Variants in RIMS1 observed in about 807,000 individuals in gnomAD.
The protein encoded by RIMS1 is regulating synaptic membrane exocytosis protein 1.
RIMS1 carries 83 observed loss-of-function variants against 214.1 expected under a neutral mutation model. That is an observed-to-expected ratio of 0.39 (90% CI 0.32 to 0.47). The LOEUF is 0.47. Among genes scored for constraint, RIMS1 ranks in the 20% least tolerant of loss-of-function variants. RIMS1 has a pLI of 0.99. For synonymous variants in RIMS1, 793 were observed against 786.8 expected, an observed-to-expected ratio of 1.01 and a Z score of -0.13; for missense variants, 2,050 against 2,161.8, an observed-to-expected ratio of 0.95 and a Z score of 1.03.
At position 72,183,163 on chromosome 6, in the gene RIMS1, G is replaced by A. The variant is rs1309496623; in HGVS notation, c.1678+14G>A. ...TCAGCGAGAAAGGTAAGGGGGCGGC[G>A]CCGGCCGTGCGGGGACTTCAGCCAA... On this transcript the variant is annotated intron_variant, in intron 6 of 33. Transcript: ENST00000521978. 6.3e-7 allele frequency: 1 copy of A among 1,584,630 alleles called. No homozygotes were observed. Among genetic ancestry groups the A allele is most frequent in the Non-Finnish European group, 8.6e-7 (1 of 1,167,546 alleles).
At chr6:72,342,212 C>A (rs149649510) in intron 29 of RIMS1, among the ~76,000 whole-genome samples, 145 of 151,918 alleles carry the variant, frequency 9.5e-4, no homozygotes, top group African/African-American at 3.3e-3. Context: ...AACTTGCTGC[C>A]CACTCCACTC....
intron 4 of RIMS1, among the ~76,000 whole-genome samples, chr6:72,164,920 A>G (rs1348010156): frequency 2.0e-5 from 3 of 152,070 alleles, no homozygotes; most frequent in African/African-American, 7.2e-5. Context: ...AAACCTAATT[A>G]CCCTCCAAAG....
chr6:72,270,771 G>A (rs1377518221), intron 22 of RIMS1, among the ~76,000 whole-genome samples: 1 of 152,096 alleles, frequency 6.6e-6, no homozygotes, highest in Admixed American at 6.6e-5. Flanking sequence ...AAGGAATCCA[G>A]AAAGGGCTAA....
At chr6:72,109,271 G>A (rs986859902) in intron 4 of RIMS1, among the ~76,000 whole-genome samples, 4 of 152,132 alleles carry the variant, frequency 2.6e-5, no homozygotes, top group South Asian at 4.2e-4. Context: ...CTGAGGAATT[G>A]CCACACTGAC....
chr6:72,275,078 A>C (rs2085477494), intron 23 of RIMS1, among the ~76,000 whole-genome samples: 1 of 140,534 alleles, frequency 7.1e-6, no homozygotes, highest in South Asian at 2.2e-4. Flanking sequence ...TTACTTTGTT[A>C]TTCTTCTCAG....
chr6:71,905,491 G>A (rs1323963248), intron 1 of RIMS1, among the ~76,000 whole-genome samples: 1 of 152,104 alleles, frequency 6.6e-6, no homozygotes, highest in Non-Finnish European at 1.5e-5. Flanking sequence ...TGCAGGAGAT[G>A]ATAGGAAATG....
intron 2 of RIMS1, among the ~76,000 whole-genome samples, chr6:71,969,969 C>A (rs919523347): frequency 6.6e-6 from 1 of 152,118 alleles, no homozygotes; most frequent in Admixed American, 6.5e-5. Flanking sequence ...TTCTTCTCTA[C>A]TCCCTGCTTT....
intron 26 of RIMS1, among the ~76,000 whole-genome samples, chr6:72,306,723 C>A (rs1192101914): frequency 6.6e-6 from 1 of 152,128 alleles, no homozygotes; most frequent in East Asian, 1.9e-4. Flanking sequence ...GGGAAATAGT[C>A]ATGAGAAGCC....
At chr6:72,201,571 C>T (rs1048203363) in intron 6 of RIMS1, among the ~76,000 whole-genome samples, 2 of 152,210 alleles carry the variant, frequency 1.3e-5, no homozygotes, top group African/African-American at 4.8e-5. Context: ...TCCTTTCACA[C>T]ACTGTTGATC....
chr6:72,083,489 A>G (rs1833916346), intron 2 of RIMS1, among the ~76,000 whole-genome samples: 1 of 152,120 alleles, frequency 6.6e-6, no homozygotes, highest in Non-Finnish European at 1.5e-5. Context: ...CCATCTCACA[A>G]GATGACCTAT....
intron 6 of RIMS1, among the ~76,000 whole-genome samples, chr6:72,195,318 A>G (rs920302170): frequency 1.3e-5 from 2 of 152,190 alleles, no homozygotes; most frequent in Non-Finnish European, 2.9e-5. Context: ...ATGTCAACCT[A>G]TATAACAAGG....
At chr6:72,184,978 G>A (rs2048895589) in intron 6 of RIMS1, among the ~76,000 whole-genome samples, 2 of 152,156 alleles carry the variant, frequency 1.3e-5, no homozygotes, top group South Asian at 2.1e-4. Context: ...CTAGACAAGA[G>A]TTATTTTCCT....
At chr6:72,085,793 C>G (rs1220493171) in intron 2 of RIMS1, among the ~76,000 whole-genome samples, 2 of 152,040 alleles carry the variant, frequency 1.3e-5, no homozygotes, top group Admixed American at 6.6e-5. Context: ...TTTGAGGATA[C>G]CAAGGAAACA....
intron 16 of RIMS1, 54 bp from the exon 17 acceptor site, chr6:72,258,071 G>T (rs764036378): frequency 5.4e-6 from 8 of 1,480,788 alleles, no homozygotes; most frequent in Non-Finnish European, 7.5e-6. Context: ...CTGTGTTAAT[G>T]TTTGCATTAT....
At chr6:72,351,698 A>G (rs1434842886) in intron 29 of RIMS1, among the ~76,000 whole-genome samples, 1 of 152,194 alleles carries the variant, frequency 6.6e-6, no homozygotes, top group Non-Finnish European at 1.5e-5. Flanking sequence ...ACATGCCTTC[A>G]GTATGTTTAA....
chr6:72,128,359 C>T (rs913890320), intron 4 of RIMS1, among the ~76,000 whole-genome samples: 2 of 152,062 alleles, frequency 1.3e-5, no homozygotes, highest in African/African-American at 2.4e-5. Context: ...GTCTCTTCCT[C>T]TCCTCTCCAC....
intron 30 of RIMS1, chr6:72,391,018 A>G: frequency 3.6e-6 from 1 of 274,172 alleles, no homozygotes; most frequent in Non-Finnish European, 6.8e-6. Context: ...CTGGATGTTT[A>G]GTGTACAAAT....
intron 6 of RIMS1, among the ~76,000 whole-genome samples, chr6:72,212,319 TATATATA>T (rs1488195590): frequency 1.3e-5 from 2 of 150,840 alleles, no homozygotes; most frequent in African/African-American, 2.4e-5. Flanking sequence ...AATAGGAATC[TATATATA>T]ATATATAATA....
chr6:72,167,067 G>T (rs903247380), intron 4 of RIMS1, among the ~76,000 whole-genome samples: 1 of 151,648 alleles, frequency 6.6e-6, no homozygotes, highest in Non-Finnish European at 1.5e-5. Flanking sequence ...GTTTTTTGAT[G>T]ATTACTTTAT....
Sources: gnomAD v4.1 joint callset for allele counts (sites outside exome capture counted in the v4.1 genomes callset) on GRCh38, gnomAD v4.1.1 for gene constraint, MANE v1.5 for transcripts, NCBI Gene and HGNC (gene_info 2026-07-23, HGNC 2026-07-21) for gene names.